Variants in LRMDA observed in about 807,000 individuals in gnomAD.
LRMDA encodes the protein leucine rich melanocyte differentiation associated.
Under a neutral mutation model 29.8 loss-of-function variants are expected in LRMDA, and 18 were observed. The ratio of observed to expected loss-of-function variants is 0.60; its 90% CI spans 0.42 to 0.90. The LOEUF (loss-of-function observed/expected upper bound fraction) is 0.90, where lower values mean the gene tolerates loss of function less well. LRMDA is among the 40% of genes least tolerant of loss of function. The probability of loss-of-function intolerance (pLI) is 0.00; values close to 1 mark genes in which losing one functional copy is unlikely to be tolerated. For missense variants in LRMDA, 273 were observed against 273.9 expected (o/e 1.00, Z 0.02); for synonymous variants, 125 against 109.4 (o/e 1.14, Z -0.89).
chr10:75,967,583 AT>A (rs1263577404), intron 2 of LRMDA, among the ~76,000 whole-genome samples: 1 of 152,252 alleles, frequency 6.6e-6, no homozygotes, highest in African/African-American at 2.4e-5. Flanking sequence ...TTGATAAATC[AT>A]CAGCAGAAAA....
At chr10:75,690,997 A>C (rs1842139880) in intron 2 of LRMDA, among the ~76,000 whole-genome samples, 1 of 92,436 alleles carries the variant, frequency 1.1e-5, no homozygotes, top group Non-Finnish European at 2.0e-5. Context: ...ATATATATAC[A>C]CACACACACA....
intron 2 of LRMDA, among the ~76,000 whole-genome samples, chr10:75,438,909 G>A (rs1427835401): frequency 6.6e-6 from 1 of 152,182 alleles, no homozygotes; most frequent in Non-Finnish European, 1.5e-5. Context: ...CAAAACATTC[G>A]TCGAGTCACA....
intron 2 of LRMDA, among the ~76,000 whole-genome samples, chr10:76,035,726 C>T: frequency 6.6e-6 from 1 of 152,132 alleles, no homozygotes; most frequent in East Asian, 1.9e-4. Flanking sequence ...TCCTGCAGGC[C>T]GTATCTGAAG....
chr10:76,451,001 T>C (rs1244000406), intron 6 of LRMDA, among the ~76,000 whole-genome samples: 1 of 152,186 alleles, frequency 6.6e-6, no homozygotes, highest in Non-Finnish European at 1.5e-5. Flanking sequence ...TTTTGTAGAA[T>C]CCATAGTGGC....
At chr10:76,282,045 A>C (rs181712828) in intron 5 of LRMDA, among the ~76,000 whole-genome samples, 2 of 152,216 alleles carry the variant, frequency 1.3e-5, no homozygotes, top group Admixed American at 1.3e-4. Flanking sequence ...CTCTGTAATT[A>C]TAGAAAGTTT....
chr10:75,874,630 G>A (rs1564593448), intron 2 of LRMDA, among the ~76,000 whole-genome samples: 2 of 152,154 alleles, frequency 1.3e-5, no homozygotes, highest in Non-Finnish European at 2.9e-5. Flanking sequence ...GCAGAATTAA[G>A]TTTCAAGAGA....
At chr10:75,863,173 A>G (rs921642684) in intron 2 of LRMDA, among the ~76,000 whole-genome samples, 1 of 152,114 alleles carries the variant, frequency 6.6e-6, no homozygotes, top group Non-Finnish European at 1.5e-5. Context: ...TTTATTTTAC[A>G]TACTTTTATG....
chr10:76,311,046 G>C (rs932518934), intron 5 of LRMDA, among the ~76,000 whole-genome samples: 1 of 151,754 alleles, frequency 6.6e-6, no homozygotes, highest in African/African-American at 2.4e-5. Flanking sequence ...TTCAACCCCT[G>C]GTACCTATGA....
At chr10:76,460,588 A>C (rs967173231) in intron 6 of LRMDA, among the ~76,000 whole-genome samples, 1 of 152,258 alleles carries the variant, frequency 6.6e-6, no homozygotes, top group African/African-American at 2.4e-5. Context: ...AGACAGTAAA[A>C]GTCGTAATAG....
intron 6 of LRMDA, among the ~76,000 whole-genome samples, chr10:76,505,885 G>T (rs935854140): frequency 6.6e-6 from 1 of 152,128 alleles, no homozygotes. Context: ...CATTTGAGAG[G>T]ACTGGTGTTT....
intron 2 of LRMDA, among the ~76,000 whole-genome samples, chr10:75,465,953 C>A (rs543623025): frequency 6.6e-6 from 1 of 152,324 alleles, no homozygotes; most frequent in African/African-American, 2.4e-5. Flanking sequence ...GTGAAAACAG[C>A]TGGGGAAGTG....
At chr10:76,007,029 T>TGC (rs1554840198) in intron 2 of LRMDA, among the ~76,000 whole-genome samples, 9 of 27,410 alleles carry the variant, frequency 3.3e-4, no homozygotes, top group African/African-American at 6.8e-4. Context: ...TGTGTGTGTG[T>TGC]GTGCGCGTGT....
At chr10:76,156,359 A>G (rs992276929) in intron 5 of LRMDA, among the ~76,000 whole-genome samples, 2 of 152,148 alleles carry the variant, frequency 1.3e-5, no homozygotes, top group Non-Finnish European at 2.9e-5. Context: ...CTTCTCTTCT[A>G]TGAAAAAAAC....
chr10:75,687,199 G>T (rs932242051), intron 2 of LRMDA, among the ~76,000 whole-genome samples: 1 of 152,202 alleles, frequency 6.6e-6, no homozygotes, highest in African/African-American at 2.4e-5. Context: ...AAATAGAAAT[G>T]ATTAAGCTTG....
Position 76,376,947 on chromosome 10 carries a change from G to A in LRMDA, c.601+52462G>A, listed in dbSNP as rs188166225. On this transcript the variant is annotated intron_variant, in intron 6 of 6. Coordinates refer to ENST00000611255, the MANE Select transcript of LRMDA (RefSeq NM_001305581.2). Reference sequence around the variant, plus strand: ...GTTGCCCAGGCTGGAGTGCAATGGCGCGATCTCCGCTCACTGGAAGCTCCA... The same window carrying A: ...GTTGCCCAGGCTGGAGTGCAATGGCACGATCTCCGCTCACTGGAAGCTCCA... Among the ~76,000 whole-genome samples the A allele has an allele frequency of 2.2e-3, 281 of 126,372 alleles. 2 individuals are homozygous for A. Among genetic ancestry groups the A allele is most frequent in the African/African-American group, 7.7e-3 (249 of 32,194 alleles). The allele number at this position is 126,372 out of a possible 152,430, so 82.9% of individuals were successfully genotyped here.
At chr10:76,429,127 G>T (rs1479387748) in intron 6 of LRMDA, among the ~76,000 whole-genome samples, 1 of 151,120 alleles carries the variant, frequency 6.6e-6, no homozygotes, top group Non-Finnish European at 1.5e-5. Flanking sequence ...ATTTCATCAT[G>T]CATGAAAAAC....
intron 2 of LRMDA, among the ~76,000 whole-genome samples, chr10:75,717,263 C>T (rs1842512916): frequency 2.0e-5 from 3 of 152,064 alleles, no homozygotes; most frequent in Non-Finnish European, 2.9e-5. Flanking sequence ...AGAATGACTT[C>T]AGCAGGCATT....
chr10:75,839,630 A>AGAAT (rs1844499815), intron 2 of LRMDA, among the ~76,000 whole-genome samples: 1 of 147,722 alleles, frequency 6.8e-6, no homozygotes, highest in Non-Finnish European at 1.5e-5. Context: ...GATCTGCAGG[A>AGAAT]GAATGAAAAG....
chr10:76,534,061 C>T (rs974716541), intron 6 of LRMDA, among the ~76,000 whole-genome samples: 1 of 152,062 alleles, frequency 6.6e-6, no homozygotes, highest in African/African-American at 2.4e-5. Flanking sequence ...TGTGCTTTGC[C>T]CCACAGGTCA....
Sources: gnomAD v4.1 joint callset for allele counts (sites outside exome capture counted in the v4.1 genomes callset) on GRCh38, gnomAD v4.1.1 for gene constraint, MANE v1.5 for transcripts, NCBI Gene and HGNC (gene_info 2026-07-23, HGNC 2026-07-21) for gene names.